MDGA2: variants seen among roughly 807,000 people sequenced by gnomAD.
MDGA2 encodes MAM domain containing glycosylphosphatidylinositol anchor 2.
In MDGA2, 40 loss-of-function variants were observed where a neutral mutation model predicts 117.8. The ratio of observed to expected loss-of-function variants is 0.34; its 90% CI spans 0.26 to 0.44. The LOEUF (loss-of-function observed/expected upper bound fraction) is 0.44, where lower values mean the gene tolerates loss of function less well. MDGA2 is among the 20% of genes least tolerant of loss of function. The pLI is 1.00. For synonymous variants in MDGA2, 452 were observed against 439.0 expected, an observed-to-expected ratio of 1.03 and a Z score of -0.37; for missense variants, 1,123 against 1,250.6, an observed-to-expected ratio of 0.90 and a Z score of 1.54.
chr14:47,620,762 T>A (rs570666543), intron 1 of MDGA2, among the ~76,000 whole-genome samples: 1 of 152,270 alleles, frequency 6.6e-6, no homozygotes, highest in East Asian at 1.9e-4. Flanking sequence ...GGGCTTTCAG[T>A]CTTTTGGAAT....
At chr14:46,957,715 G>T (rs1031462804) in intron 8 of MDGA2, 72 bp from the exon 9 acceptor site, 11 of 1,545,592 alleles carry the variant, frequency 7.1e-6, no homozygotes, top group African/African-American at 1.4e-5. Context: ...CTTATTAGAA[G>T]AAGCCATTTG....
chr14:47,002,051 G>T (rs1286453514), intron 8 of MDGA2, among the ~76,000 whole-genome samples: 1 of 152,116 alleles, frequency 6.6e-6, no homozygotes, highest in East Asian at 1.9e-4. Context: ...CTGAATTGAA[G>T]ATGCTGGGAA....
At chr14:47,119,307 T>C (rs968859415) in intron 5 of MDGA2, among the ~76,000 whole-genome samples, 1 of 151,828 alleles carries the variant, frequency 6.6e-6, no homozygotes, top group African/African-American at 2.4e-5. Flanking sequence ...CCTCGTGCTC[T>C]GCCCGCCTCG....
chr14:47,608,272 C>CT (rs1461718930), intron 1 of MDGA2, among the ~76,000 whole-genome samples: 13 of 152,250 alleles, frequency 8.5e-5, no homozygotes, highest in African/African-American at 2.6e-4. Flanking sequence ...GACTTTTCCA[C>CT]TTTTTTCTGG....
intron 4 of MDGA2, among the ~76,000 whole-genome samples, chr14:47,138,185 A>G (rs1882549727): frequency 6.6e-6 from 1 of 152,168 alleles, no homozygotes; most frequent in Non-Finnish European, 1.5e-5. Context: ...TTTAGGCTTT[A>G]CTATTTATAA....
At chr14:47,353,542 G>A (rs1034322490) in intron 1 of MDGA2, among the ~76,000 whole-genome samples, 2 of 152,092 alleles carry the variant, frequency 1.3e-5, no homozygotes, top group African/African-American at 2.4e-5. Flanking sequence ...GATCTTTTAG[G>A]AGGTGATTAA....
chr14:47,483,488 G>A (rs1374111186), intron 1 of MDGA2, among the ~76,000 whole-genome samples: 2 of 152,032 alleles, frequency 1.3e-5, no homozygotes, highest in African/African-American at 4.8e-5. Flanking sequence ...ACTTTGAGAG[G>A]CTTCAATTTT....
intron 2 of MDGA2, among the ~76,000 whole-genome samples, chr14:47,270,616 G>A (rs933169715): frequency 2.0e-5 from 3 of 152,178 alleles, no homozygotes; most frequent in African/African-American, 7.2e-5. Context: ...ATGAGGAGGT[G>A]ATGTGAGGAA....
chr14:46,971,475 T>A lies in MDGA2; in HGVS notation c.1820-13832A>T, dbSNP rs188875267. ...CAGTCACAGAAAGACAAATACCACA[T>A]ATTCTCTTTCATATGTGAGAGATTA... On this transcript the variant is annotated intron_variant, in intron 8 of 16. Transcript: ENST00000399232. Among the ~76,000 whole-genome samples the A allele has an allele frequency of 3.3e-5, 5 of 152,274 alleles. No homozygotes were observed. The East Asian group carries it at 9.7e-4, about 29-fold the overall frequency.
At chr14:46,874,804 A>G (rs1278415437) in intron 12 of MDGA2, among the ~76,000 whole-genome samples, 2 of 151,984 alleles carry the variant, frequency 1.3e-5, no homozygotes, top group Non-Finnish European at 2.9e-5. Flanking sequence ...AAGACCTTTT[A>G]AAGACTTTGA....
chr14:47,024,803 T>C (rs1236943664), intron 8 of MDGA2, among the ~76,000 whole-genome samples: 4 of 152,186 alleles, frequency 2.6e-5, no homozygotes, highest in Admixed American at 1.3e-4. Context: ...TTATAATGCA[T>C]GGTCAGTTTA....
chr14:47,581,994 C>T (rs770562412), intron 1 of MDGA2, among the ~76,000 whole-genome samples: 1 of 151,858 alleles, frequency 6.6e-6, no homozygotes, highest in African/African-American at 2.4e-5. Flanking sequence ...TTAACTTCTG[C>T]AAGCTTATTC....
chr14:46,911,682 C>T (rs911140190), intron 10 of MDGA2, among the ~76,000 whole-genome samples: 3 of 152,110 alleles, frequency 2.0e-5, no homozygotes, highest in Non-Finnish European at 4.4e-5. Flanking sequence ...ATCAATTTTA[C>T]CTCAAGTTAA....
intron 6 of MDGA2, among the ~76,000 whole-genome samples, chr14:47,092,694 G>T (rs1879726995): frequency 6.6e-6 from 1 of 152,088 alleles, no homozygotes; most frequent in Non-Finnish European, 1.5e-5. Flanking sequence ...GAGAACAGAG[G>T]TAGTACACTG....
At chr14:47,033,005 G>T (rs907676845) in intron 8 of MDGA2, among the ~76,000 whole-genome samples, 1 of 152,066 alleles carries the variant, frequency 6.6e-6, no homozygotes, top group African/African-American at 2.4e-5. Context: ...CAGACAAATT[G>T]TATCATTTTT....
At chr14:47,323,695 T>C (rs1038852646) in intron 1 of MDGA2, among the ~76,000 whole-genome samples, 3 of 151,786 alleles carry the variant, frequency 2.0e-5, no homozygotes, top group Admixed American at 6.6e-5. Flanking sequence ...TCTTTAACTA[T>C]AGAACAGTTA....
intron 3 of MDGA2, among the ~76,000 whole-genome samples, chr14:47,203,024 T>G (rs1322827501): frequency 6.6e-6 from 1 of 151,982 alleles, no homozygotes; most frequent in African/African-American, 2.4e-5. Context: ...AGCTAAAGGA[T>G]TTGTGTTTAT....
intron 1 of MDGA2, chr14:47,626,476 C>T (rs1897142363): frequency 6.5e-6 from 1 of 152,972 alleles, no homozygotes; most frequent in Non-Finnish European, 1.5e-5. Flanking sequence ...GCCCTTCAGC[C>T]CGCCGCTGCA....
intron 6 of MDGA2, among the ~76,000 whole-genome samples, chr14:47,087,930 C>T (rs1158260177): frequency 6.6e-6 from 1 of 151,784 alleles, no homozygotes; most frequent in Non-Finnish European, 1.5e-5. Flanking sequence ...GCACTACTAT[C>T]ATTTTTAAAA....
Sources: allele counts gnomAD v4.1 joint callset (sites outside exome capture counted in the v4.1 genomes callset), GRCh38; gene constraint gnomAD v4.1.1; transcripts MANE v1.5; gene names NCBI Gene and HGNC (gene_info 2026-07-23, HGNC 2026-07-21).